The following PRKN variants were observed in gnomAD, a reference collection of about 807,000 sequenced individuals.
PRKN encodes E3 ubiquitin-protein ligase parkin.
PRKN carries 56 observed loss-of-function variants against 59.5 expected under a neutral mutation model. The observed-to-expected ratio is 0.94, with a 90% CI of 0.76 to 1.18. PRKN has a LOEUF of 1.18. Among genes scored for constraint, PRKN ranks in the 50% most tolerant of loss-of-function variants. The probability of loss-of-function intolerance (pLI) is 0.00; values close to 1 mark genes in which losing one functional copy is unlikely to be tolerated. For missense variants in PRKN, 657 were observed against 596.4 expected (o/e 1.10, Z -1.06); for synonymous variants, 250 against 222.1 (o/e 1.13, Z -1.12).
At chr6:161,495,545 A>T (rs1378182911) in intron 9 of PRKN, among the ~76,000 whole-genome samples, 1 of 152,228 alleles carries the variant, frequency 6.6e-6, no homozygotes, top group Admixed American at 6.5e-5. Context: ...ACGCCCTTAA[A>T]GAAGGCATGT....
At chr6:162,649,540 T>A (rs1382746081) in intron 1 of PRKN, among the ~76,000 whole-genome samples, 3 of 152,046 alleles carry the variant, frequency 2.0e-5, no homozygotes, top group African/African-American at 7.2e-5. Flanking sequence ...ATGTCATTAA[T>A]CAAAGTTGAG....
intron 2 of PRKN, among the ~76,000 whole-genome samples, chr6:162,388,361 G>A (rs1055871068): frequency 5.3e-5 from 8 of 152,178 alleles, no homozygotes; most frequent in Admixed American, 2.0e-4. Context: ...TGACACTTAC[G>A]GATCTCTAAC....
At position 161,352,755 on chromosome 6, in the gene PRKN, G is replaced by GTATATA. The variant is rs1554251151; in HGVS notation, c.1286-2550_1286-2545dup. Among the ~76,000 whole-genome samples, 262 of 134,362 alleles carry GTATATA rather than the reference G, an allele frequency of 1.9e-3. No homozygotes were observed. Among genetic ancestry groups the GTATATA allele is most frequent in the African/African-American group, 6.1e-3 (217 of 35,774 alleles). 88.1% of individuals were successfully genotyped at this position (134,362 alleles called of 152,430 possible). ...TGTGTGTGTGTGTGTGTGTGTGTGT[G>GTATATA]TATATATATATATATATTTTATTTT... On this transcript the variant is annotated intron_variant, in intron 11 of 11. Transcript: ENST00000366898. This position sits in a 1 kb window ranked among gnomAD's most constrained non-coding sequence, Gnocchi z 5.8.
chr6:161,477,045 G>GTA (rs1366135259), intron 9 of PRKN, among the ~76,000 whole-genome samples: 4 of 152,218 alleles, frequency 2.6e-5, no homozygotes, highest in African/African-American at 7.2e-5. Context: ...GGAGAGTGAG[G>GTA]TATCCTGAGG....
chr6:161,754,505 C>T (rs142168125), intron 7 of PRKN, among the ~76,000 whole-genome samples: 1 of 152,152 alleles, frequency 6.6e-6, no homozygotes, highest in East Asian at 1.9e-4. Context: ...GGCTGCGGTG[C>T]GTGATTAGCA....
At chr6:162,643,346 C>G (rs796966965) in intron 1 of PRKN, among the ~76,000 whole-genome samples, 13 of 123,524 alleles carry the variant, frequency 1.1e-4, no homozygotes, top group African/African-American at 4.1e-4. Flanking sequence ...TGCAGTGAGC[C>G]AAGATCATGC....
At chr6:162,265,816 A>G (rs111621094) in intron 2 of PRKN, among the ~76,000 whole-genome samples, 36 of 152,310 alleles carry the variant, frequency 2.4e-4, no homozygotes, top group African/African-American at 8.7e-4. Flanking sequence ...AGCCAGCCTG[A>G]GGCCGCGGGC....
chr6:162,556,952 T>C (rs1473763145), intron 1 of PRKN, among the ~76,000 whole-genome samples: 1 of 152,020 alleles, frequency 6.6e-6, no homozygotes, highest in Admixed American at 6.6e-5. Flanking sequence ...CCCCATTTGA[T>C]GAAATAAAGC....
intron 3 of PRKN, among the ~76,000 whole-genome samples, chr6:162,234,172 G>A (rs966616756): frequency 5.3e-5 from 8 of 152,078 alleles, no homozygotes; most frequent in Admixed American, 3.3e-4. Context: ...GTGAGAACAG[G>A]TACACGACAA....
intron 7 of PRKN, among the ~76,000 whole-genome samples, chr6:161,620,686 G>C (rs897295911): frequency 3.3e-5 from 5 of 152,144 alleles, no homozygotes; most frequent in Non-Finnish European, 7.3e-5. Flanking sequence ...AGTTTACATA[G>C]ATTATTGGTC....
intron 3 of PRKN, among the ~76,000 whole-genome samples, chr6:162,203,129 T>TTC (rs1345316509): frequency 6.6e-6 from 1 of 152,182 alleles, no homozygotes; most frequent in Admixed American, 6.5e-5. Context: ...TAAGTGACTC[T>TTC]TCTCTCTCCC....
intron 7 of PRKN, among the ~76,000 whole-genome samples, chr6:161,672,514 G>A (rs956185368): frequency 1.3e-5 from 2 of 152,192 alleles, no homozygotes; most frequent in African/African-American, 4.8e-5. Flanking sequence ...AGTGGCTCAT[G>A]TCTGTAATCC....
rs891340380 is a variant in PRKN at position 161,451,608 on chromosome 6, C to G, written c.1084-64731G>C. 1.4e-4 allele frequency among the ~76,000 whole-genome samples: 21 copies of G among 152,328 alleles called. No individual in the cohort carries two copies. The highest frequency in any genetic ancestry group is 7.8e-4 in the Admixed American group (12 of 15,302). The stretch of plus-strand genomic sequence containing the variant: ...CCCATCCTTGAATGGCCAGAGTAAC[C>G]TGTCTCAAGAATATGAGCAAGATGA... On this transcript the variant is annotated intron_variant, in intron 9 of 11. Transcript: ENST00000366898. The surrounding 1 kb of genome is among the most constrained non-coding windows in gnomAD (Gnocchi z 5.9).
At chr6:161,732,518 T>C (rs540860947) in intron 7 of PRKN, among the ~76,000 whole-genome samples, 3 of 152,038 alleles carry the variant, frequency 2.0e-5, no homozygotes, top group Non-Finnish European at 2.9e-5. Context: ...TAATTCACTT[T>C]TATATTTCCG....
intron 2 of PRKN, among the ~76,000 whole-genome samples, chr6:162,363,138 A>C (rs1199723803): frequency 7.6e-5 from 11 of 145,284 alleles, no homozygotes; most frequent in Admixed American, 6.7e-5. Context: ...AAACAAAAAA[A>C]AAAAAAAAAA....
rs1041610873 is a variant in PRKN at position 161,473,007 on chromosome 6, C to T, written c.1083+75847G>A. On this transcript the variant is annotated intron_variant, in intron 9 of 11. Coordinates refer to ENST00000366898, the MANE Select transcript of PRKN (RefSeq NM_004562.3). This position sits in a 1 kb window ranked among gnomAD's most constrained non-coding sequence, Gnocchi z 4.1. ...CAAAAAGACATAACAAGCGGTAGCACGGGTTGGAGAAAAGGGAACCCTGAC... is the reference window on the plus strand; with the variant it reads ...CAAAAAGACATAACAAGCGGTAGCATGGGTTGGAGAAAAGGGAACCCTGAC... Among the ~76,000 whole-genome samples the T allele has an allele frequency of 5.9e-5, 9 of 152,016 alleles. No homozygotes were observed. The highest frequency in any genetic ancestry group is 9.7e-5 in the African/African-American group (4 of 41,392).
chr6:161,362,118 T>C lies in PRKN; in HGVS notation c.1168-1913A>G, dbSNP rs1784998077. 6.6e-6 allele frequency among the ~76,000 whole-genome samples: 1 copy of C among 152,214 alleles called. No homozygotes were observed. The highest frequency in any genetic ancestry group is 2.1e-4 in the South Asian group (1 of 4,836). On this transcript the variant is annotated intron_variant, in intron 10 of 11. Transcript: ENST00000366898. The surrounding 1 kb of genome is among the most constrained non-coding windows in gnomAD (Gnocchi z 5.2). ...TCATACAAATTGGAGAAAAATACAA[T>C]TTTACTTATCAGAAAATAATTTCAA... is the stretch of plus-strand genomic sequence containing the variant.
At chr6:162,465,128 C>G (rs559154936) in intron 1 of PRKN, among the ~76,000 whole-genome samples, 1 of 152,222 alleles carries the variant, frequency 6.6e-6, no homozygotes, top group African/African-American at 2.4e-5. Context: ...TCCCAATTAA[C>G]CAGTCTTACC....
chr6:162,496,743 T>C (rs573057417), intron 1 of PRKN, among the ~76,000 whole-genome samples: 27 of 152,308 alleles, frequency 1.8e-4, no homozygotes, highest in South Asian at 6.2e-4. Flanking sequence ...GTAGAGAAGA[T>C]TAAATTAGAC....
Sources: allele counts gnomAD v4.1 joint callset (sites outside exome capture counted in the v4.1 genomes callset), GRCh38; gene constraint gnomAD v4.1.1; non-coding constraint Gnocchi (gnomAD v3.1); transcripts MANE v1.5; gene names NCBI Gene and HGNC (gene_info 2026-07-23, HGNC 2026-07-21).